Variants in VPS16 observed in about 807,000 individuals in gnomAD.
The protein encoded by VPS16 is vacuolar protein sorting-associated protein 16 homolog.
VPS16 carries 82 observed loss-of-function variants against 116.0 expected under a neutral mutation model. That is an observed-to-expected ratio of 0.71 (90% confidence interval 0.59 to 0.85). The LOEUF (loss-of-function observed/expected upper bound fraction) is 0.85. Ranked by LOEUF, VPS16 falls within the 40% of genes least tolerant of loss-of-function variation. The pLI is 0.00. For missense variants in VPS16, 928 were observed against 1,090.6 expected, an observed-to-expected ratio of 0.85 and a Z score of 2.10; for synonymous variants, 406 against 420.7, an observed-to-expected ratio of 0.96 and a Z score of 0.43.
rs908401410 is a variant in VPS16 at position 2,864,405 on chromosome 20, A to C, written c.1761A>C (p.Arg587=). Reference sequence around the variant, plus strand: ...TGCACCTGAAGAACGAGCTGAACCGAGGAGATTTTTTCATGACCCTTCGGA... The same window carrying C: ...TGCACCTGAAGAACGAGCTGAACCGCGGAGATTTTTTCATGACCCTTCGGA... ...VLLHLKNELN[R]GDFFMTLRNQ... is the part of the protein sequence containing the mutation. Residue 587 remains arginine (R), a synonymous_variant, in exon 18 of 24, where the codon CGA becomes CGC. Coordinates refer to ENST00000380445, the MANE Select transcript of VPS16 (RefSeq NM_022575.4). This position sits in a 1 kb window ranked among gnomAD's most constrained non-coding sequence, Gnocchi z 5.2. 1.4e-5 allele frequency: 23 copies of C among 1,613,976 alleles called. No individual in the cohort carries two copies. In the African/African-American group the frequency reaches 2.0e-4, roughly 14 times the overall value.
At position 2,864,672 on chromosome 20, in the gene VPS16, C is replaced by A. The variant is rs370980718; in HGVS notation, c.1926+18C>A. On this transcript the variant is annotated intron_variant, in intron 19 of 23. Coordinates refer to ENST00000380445, the MANE Select transcript of VPS16 (RefSeq NM_022575.4). The surrounding 1 kb of genome is among the most constrained non-coding windows in gnomAD (Gnocchi z 5.2). Reference sequence around the variant, plus strand: ...CAGAAGAGGTCTGAGATCCATGGGGCGTGTGGGGCGTGTGGGGCATGTGGG... The same window carrying A: ...CAGAAGAGGTCTGAGATCCATGGGGAGTGTGGGGCGTGTGGGGCATGTGGG... The A allele has an allele frequency of 6.3e-7, 1 of 1,597,572 alleles. No individual in the cohort carries two copies. Among genetic ancestry groups the A allele is most frequent in the Non-Finnish European group, 8.6e-7 (1 of 1,168,166 alleles).
At position 2,861,888 on chromosome 20, in the gene VPS16, A is replaced by G; in HGVS notation, c.983A>G (p.His328Arg). 1 of 1,613,662 alleles carries G rather than the reference A, an allele frequency of 6.2e-7. No homozygotes were observed. Among genetic ancestry groups the G allele is most frequent in the African/African-American group, 1.3e-5 (1 of 75,060 alleles). The change falls in exon 10 of 24, where the codon CAT (histidine) becomes CGT (arginine). Residue 328 changes from histidine (H) to arginine (R), a missense_variant. Coordinates refer to ENST00000380445, the MANE Select transcript of VPS16 (RefSeq NM_022575.4). Reference protein sequence around the residue: ...IFSRSTHEFLHEVPAASEEIF... With the variant: ...IFSRSTHEFLREVPAASEEIF... ...TCCCGCAGCACCCACGAGTTCCTGC[A>G]TGAGGTTCCAGGTGAGGCCTTCACA...
chr20:2,845,737 A>G (rs1156263945), intron 1 of VPS16, among the ~76,000 whole-genome samples: 3 of 152,030 alleles, frequency 2.0e-5, no homozygotes, highest in Non-Finnish European at 2.9e-5. Flanking sequence ...ATCTTGCAAA[A>G]CTGAAATTCT....
rs200486823 is a variant in VPS16 at position 2,861,877 on chromosome 20, C to T, written c.972C>T (p.His324=). Residue 324 remains histidine (H), a synonymous_variant, in exon 10 of 24, where the codon CAC becomes CAT. Transcript: ENST00000380445. ...DGVRIFSRST[H]EFLHEVPAAS... ...TCCGCATCTTCTCCCGCAGCACCCA[C>T]GAGTTCCTGCATGAGGTTCCAGGTG... The T allele has an allele frequency of 2.9e-5, 47 of 1,613,772 alleles. No homozygotes were observed. Among genetic ancestry groups the T allele is most frequent in the East Asian group, 2.0e-4 (9 of 44,876 alleles).
Position 2,865,265 on chromosome 20 carries a change from C to T in VPS16, c.2122C>T (p.His708Tyr), listed in dbSNP as rs1448824164. Residue 708 changes from histidine to tyrosine, a missense_variant, in exon 21 of 24, where the codon CAC (histidine) becomes TAC (tyrosine). Coordinates refer to ENST00000380445, the MANE Select transcript of VPS16 (RefSeq NM_022575.4). The surrounding 1 kb of genome is among the most constrained non-coding windows in gnomAD (Gnocchi z 5.2). ...AGTTACCACCCTCATTCTTGGCGGT[C>T]ACAACAAGCGTGCAGAGCAGCTGGC... is the stretch of plus-strand genomic sequence containing the variant. ...DTVTTLILGG[H>Y]NKRAEQLARD... 1 of 1,614,144 alleles carries T rather than the reference C, an allele frequency of 6.2e-7. No homozygotes were observed.
intron 1 of VPS16, among the ~76,000 whole-genome samples, chr20:2,854,915 CCAT>C (rs113830771): frequency 0.51 from 75,570 of 149,036 alleles, 21,949 homozygotes; most frequent in African/African-American, 0.78. Flanking sequence ...TTGTACATCT[CCAT>C]CAGAGTTTTT....
Position 2,864,261 on chromosome 20 carries a change from C to G in VPS16, c.1694C>G (p.Ala565Gly), listed in dbSNP as rs1283540697. 6.2e-7 allele frequency: 1 copy of G among 1,614,242 alleles called. No individual in the cohort carries two copies. The highest frequency in any genetic ancestry group is 1.7e-5 in the Admixed American group (1 of 60,030). The change falls in exon 17 of 24, where the codon GCC (alanine) becomes GGC (glycine). Residue 565 changes from alanine (A) to glycine (G), a missense_variant. Ala to Gly is a moderately conservative substitution (Grantham distance 60, BLOSUM62 0). Coordinates refer to ENST00000380445, the MANE Select transcript of VPS16 (RefSeq NM_022575.4). This position sits in a 1 kb window ranked among gnomAD's most constrained non-coding sequence, Gnocchi z 5.2. ...AGGAGCAAACTGGCACTAAGCAAGG[C>G]CATCGAGAGCGGGGACACTGACCTG... ...MKRSKLALSK[A>G]IESGDTDLVF...
rs1230932635 is a variant in VPS16 at position 2,860,882 on chromosome 20, A to T, written c.630+19A>T. 2 of 1,613,966 alleles carry T rather than the reference A, an allele frequency of 1.2e-6. No homozygotes were observed. The highest frequency in any genetic ancestry group is 4.5e-5 in the East Asian group (2 of 44,894). ...CGCAGTGGTAAGGGCCCTGAGTGGG[A>T]ATGAAGTGGACGGGCTGGGTTAGGC... On this transcript the variant is annotated intron_variant, in intron 6 of 23. Transcript: ENST00000380445. The surrounding 1 kb of genome is among the most constrained non-coding windows in gnomAD (Gnocchi z 6.1).
rs1183275581 is a variant in VPS16 at position 2,861,645 on chromosome 20, C to A, written c.840C>A (p.Ala280=). The change falls in exon 9 of 24, where the codon GCC becomes GCA. Residue 280 remains alanine (A), a synonymous_variant. Transcript: ENST00000380445. ...GCCGTCCTCGTAGCAAGGAGAGGGC[C>A]GTGGTGGTGGCCTGGGAAAGGCGGC... ...WCSRPRSKER[A]VVVAWERRLM... 6.2e-7 allele frequency: 1 copy of A among 1,612,790 alleles called. No homozygotes were observed. The highest frequency in any genetic ancestry group is 8.5e-7 in the Non-Finnish European group (1 of 1,179,796).
chr20:2,844,472 T>G (rs896345259), intron 1 of VPS16, among the ~76,000 whole-genome samples: 6 of 152,208 alleles, frequency 3.9e-5, no homozygotes, highest in Admixed American at 1.3e-4. Context: ...CAACTTGGGC[T>G]AATCTAATTA....
At chr20:2,861,943 C>T (rs2089233029) in intron 10 of VPS16, 44 bp downstream of exon 10, 4 of 1,607,350 alleles carry the variant, frequency 2.5e-6, no homozygotes, top group African/African-American at 1.3e-5. Flanking sequence ...GGTGGGGACT[C>T]CTCGGCACCC....
In VPS16 at chr20:2,862,447, G is replaced by A. The variant is rs890254084; in HGVS notation, c.1072-132G>A. 2.7e-6 allele frequency: 4 copies of A among 1,478,036 alleles called. No homozygotes were observed. In the African/African-American group the frequency reaches 5.6e-5, roughly 21 times the overall value. The allele number at this position is 1,478,036 out of a possible 1,614,324, so 91.6% of individuals were successfully genotyped here. A position where few individuals can be genotyped will look rare whatever the true frequency, so the allele number is the denominator to read the frequency against. On this transcript the variant is annotated intron_variant, in intron 11 of 23. Transcript: ENST00000380445. ...GCACCTCAGGTGGATTGAGTGGGCT[G>A]AGGGAGTTGGGGCTCCAGCCTGTGC...
chr20:2,848,313 G>C (rs921653103), intron 1 of VPS16, among the ~76,000 whole-genome samples: 1 of 152,110 alleles, frequency 6.6e-6, no homozygotes, highest in Non-Finnish European at 1.5e-5. Flanking sequence ...GTGCAGTCTT[G>C]GTTCACTGCA....
rs915459142 is a variant in VPS16 at position 2,864,494 on chromosome 20, C to T, written c.1818+32C>T. On this transcript the variant is annotated intron_variant, in intron 18 of 23. Coordinates refer to ENST00000380445, the MANE Select transcript of VPS16 (RefSeq NM_022575.4). This position sits in a 1 kb window ranked among gnomAD's most constrained non-coding sequence, Gnocchi z 5.2. ...GTAGTGGGCAGGGTTGTGGTGTAGCCTTCTGAGCACTTGAGTTGGCCTTGC... is the reference window on the plus strand; with the variant it reads ...GTAGTGGGCAGGGTTGTGGTGTAGCTTTCTGAGCACTTGAGTTGGCCTTGC... 1 of 1,613,944 alleles carries T rather than the reference C, an allele frequency of 6.2e-7. No individual in the cohort carries two copies. The highest frequency in any genetic ancestry group is 1.3e-5 in the African/African-American group (1 of 74,902).
chr20:2,846,218 GTGATTCTCC>G (rs952702411), intron 1 of VPS16, among the ~76,000 whole-genome samples: 2 of 147,798 alleles, frequency 1.4e-5, no homozygotes, highest in Non-Finnish European at 3.0e-5. Flanking sequence ...CCGGGTTCAA[GTGATTCTCC>G]TGCCTCAGCC....
chr20:2,861,772 G>A, intron 9 of VPS16, 33 bp from the exon 10 acceptor site: 1 of 1,612,764 alleles, frequency 6.2e-7, no homozygotes, highest in East Asian at 2.2e-5. Context: ...CGTCCCATCT[G>A]TAGGTGCTCT....
rs1479461777 is a variant in VPS16 at position 2,859,811 on chromosome 20, T to C, written c.142+4T>C. On this transcript the variant is annotated splice_donor_region_variant and intron_variant, in intron 2 of 23. Transcript: ENST00000380445. ...GCACCCTATGGGGGCCCCATTGGTA[T>C]GTTGCCCCTCCACCACCACCTGCTC... is the stretch of plus-strand genomic sequence containing the variant. 5 of 1,605,368 alleles carry C rather than the reference T, an allele frequency of 3.1e-6. No homozygotes were observed. The highest frequency in any genetic ancestry group is 4.2e-6 in the Non-Finnish European group (5 of 1,177,580).
Position 2,866,034 on chromosome 20 carries a change from C to T in VPS16, c.2272-178C>T. On this transcript the variant is annotated intron_variant, in intron 22 of 23. Transcript: ENST00000380445. ...GAGCTTTGGTTTAGGTGATTTCTGC[C>T]CTAAGAATGTTGAGATCACAACTGT... The T allele has an allele frequency of 4.8e-6, 3 of 626,200 alleles. No individual in the cohort carries two copies. In the South Asian group the frequency reaches 5.9e-5, roughly 12 times the overall value. 38.8% of individuals were successfully genotyped at this position (626,200 alleles called of 1,614,324 possible). A position where few individuals can be genotyped will look rare whatever the true frequency, so the allele number is the denominator to read the frequency against.
Position 2,866,462 on chromosome 20 carries a change from A to T in VPS16, c.2408A>T (p.Glu803Val). Reference sequence around the variant, plus strand: ...GCTCAGGCTGCAGATGTGGCCATCGAACACCGGAATGAGGCTGAGCTGAGC... The same window carrying T: ...GCTCAGGCTGCAGATGTGGCCATCGTACACCGGAATGAGGCTGAGCTGAGC... ...DVAQAADVAI[E>V]HRNEAELSLV... Residue 803 changes from glutamate to valine, a missense_variant, in exon 24 of 24, where the codon GAA becomes GTA. Physicochemically the swap from Glu to Val is moderately radical, Grantham distance 121. Coordinates refer to ENST00000380445, the MANE Select transcript of VPS16 (RefSeq NM_022575.4). 1 of 1,614,164 alleles carries T rather than the reference A, an allele frequency of 6.2e-7. No homozygotes were observed. Among genetic ancestry groups the T allele is most frequent in the Non-Finnish European group, 8.5e-7 (1 of 1,180,030 alleles).
Sources: allele counts gnomAD v4.1 joint callset (sites outside exome capture counted in the v4.1 genomes callset), GRCh38; gene constraint gnomAD v4.1.1; non-coding constraint Gnocchi (gnomAD v3.1); transcripts MANE v1.5; gene names NCBI Gene and HGNC (gene_info 2026-07-23, HGNC 2026-07-21).